Variants in SPCS2 observed in about 807,000 individuals in gnomAD.
The protein encoded by SPCS2 is signal peptidase complex subunit 2.
In SPCS2, 3 loss-of-function variants were observed where a neutral mutation model predicts 22.3. The observed-to-expected ratio is 0.13, with a 90% CI of 0.06 to 0.35. SPCS2 has a LOEUF of 0.35. Among genes scored for constraint, SPCS2 ranks in the 10% least tolerant of loss-of-function variants. The pLI is 1.00. For synonymous variants in SPCS2, 67 were observed against 97.2 expected (o/e 0.69, Z 1.83); for missense variants, 169 against 280.9 (o/e 0.60, Z 2.85).
At chr11:74,951,266 G>A (rs1486748359) in intron 1 of SPCS2, among the ~76,000 whole-genome samples, 1 of 152,104 alleles carries the variant, frequency 6.6e-6, no homozygotes, top group South Asian at 2.1e-4. Context: ...AGATCACAGG[G>A]TTTTGGGAAG....
At chr11:74,955,187 C>T (rs996853659) in intron 1 of SPCS2, among the ~76,000 whole-genome samples, 5 of 152,146 alleles carry the variant, frequency 3.3e-5, no homozygotes, top group African/African-American at 9.7e-5. Flanking sequence ...GAAAATTCAA[C>T]GTAAAGTTAA....
chr11:74,962,133 C>T (rs1437265521), intron 1 of SPCS2, among the ~76,000 whole-genome samples: 1 of 152,114 alleles, frequency 6.6e-6, no homozygotes, highest in African/African-American at 2.4e-5. Flanking sequence ...AGCAGTTTTA[C>T]AGTGGGTGAA....
rs142291110 is a variant in SPCS2 at position 74,971,583 on chromosome 11, C to G, written c.494+1884C>G. 1.2e-4 allele frequency among the ~76,000 whole-genome samples: 19 copies of G among 152,172 alleles called. No individual in the cohort carries two copies. In the East Asian group the frequency reaches 3.5e-3, roughly 28 times the overall value. On this transcript the variant is annotated intron_variant, in intron 4 of 4. Coordinates refer to ENST00000263672, the MANE Select transcript of SPCS2 (RefSeq NM_014752.3). ...TCCCGGCTTTCTGCTGATGTCTTCT[C>G]CCTCCCCCACCTCACCGACTGATTT... is the stretch of plus-strand genomic sequence containing the variant.
intron 3 of SPCS2, among the ~76,000 whole-genome samples, chr11:74,967,249 G>A (rs1268606997): frequency 6.6e-6 from 1 of 152,162 alleles, no homozygotes; most frequent in East Asian, 1.9e-4. Context: ...AGGCAGTTCA[G>A]AAGAATAATA....
intron 1 of SPCS2, among the ~76,000 whole-genome samples, 179 bp from the exon 2 acceptor site, chr11:74,964,855 G>A (rs1948534321): frequency 6.6e-6 from 1 of 152,146 alleles, no homozygotes; most frequent in African/African-American, 2.4e-5. Context: ...ACTGCTTCTT[G>A]CAGGGCTACC....
rs1948589850 is a variant in SPCS2 at position 74,972,393 on chromosome 11, C to G, written c.494+2694C>G. On this transcript the variant is annotated intron_variant, in intron 4 of 4. Transcript: ENST00000263672. ...CTAGTTATTCTTAAAAGCATTTATG[C>G]TTACCTCTGTTAGTTACCACATGGA... is the stretch of plus-strand genomic sequence containing the variant. Among the ~76,000 whole-genome samples the G allele has an allele frequency of 6.6e-5, 10 of 152,266 alleles. No individual in the cohort carries two copies. The South Asian group carries it at 1.9e-3, about 28-fold the overall frequency.
chr11:74,960,986 T>C (rs1026423767), intron 1 of SPCS2, among the ~76,000 whole-genome samples: 3 of 151,924 alleles, frequency 2.0e-5, no homozygotes, highest in African/African-American at 7.3e-5. Flanking sequence ...GAGAGTAACA[T>C]TTTAGAGATC....
chr11:74,965,311 T>C, intron 2 of SPCS2, 194 bp downstream of exon 2: 1 of 479,178 alleles, frequency 2.1e-6, no homozygotes, highest in East Asian at 3.5e-5. Context: ...GGCACATGTA[T>C]ACATATGTAA....
At chr11:74,961,241 T>C (rs933721516) in intron 1 of SPCS2, among the ~76,000 whole-genome samples, 1 of 152,232 alleles carries the variant, frequency 6.6e-6, no homozygotes, top group Non-Finnish European at 1.5e-5. Context: ...CTGTGCACTG[T>C]GCTATGTTTT....
intron 1 of SPCS2, among the ~76,000 whole-genome samples, chr11:74,954,520 C>T (rs1052364239): frequency 6.6e-6 from 1 of 152,192 alleles, no homozygotes; most frequent in African/African-American, 2.4e-5. Flanking sequence ...GGTATCTCCT[C>T]TTTTACTCTA....
chr11:74,949,599 ACTT>A (rs534991631), intron 1 of SPCS2, 200 bp downstream of exon 1: 141 of 635,500 alleles, frequency 2.2e-4, no homozygotes, highest in South Asian at 1.2e-3. Context: ...CCTCTTTAGA[ACTT>A]CTTCTTTTCT....
intron 4 of SPCS2, 99 bp from the exon 5 acceptor site, chr11:74,976,758 C>G: frequency 6.8e-7 from 1 of 1,480,314 alleles, no homozygotes; most frequent in Non-Finnish European, 9.3e-7. Flanking sequence ...TCACCGTGCC[C>G]AGCTTACTCC....
intron 1 of SPCS2, among the ~76,000 whole-genome samples, chr11:74,951,856 A>G (rs1948448412): frequency 6.6e-6 from 1 of 151,736 alleles, no homozygotes; most frequent in South Asian, 2.1e-4. Flanking sequence ...GAAAGGCCTC[A>G]TTCCTGAAAG....
intron 3 of SPCS2, among the ~76,000 whole-genome samples, chr11:74,966,412 T>C (rs1217297812): frequency 6.6e-6 from 1 of 152,244 alleles, no homozygotes; most frequent in African/African-American, 2.4e-5. Flanking sequence ...AATTAAGAAC[T>C]TATTCTGGAG....
intron 4 of SPCS2, among the ~76,000 whole-genome samples, chr11:74,970,256 T>G (rs1948576799): frequency 6.6e-6 from 1 of 152,152 alleles, no homozygotes; most frequent in Non-Finnish European, 1.5e-5. Context: ...TTATCTGAGG[T>G]TTAGTGGGGT....
At chr11:74,968,298 A>G (rs1017534822) in intron 3 of SPCS2, 3 of 152,008 alleles carry the variant, frequency 2.0e-5, no homozygotes, top group Non-Finnish European at 2.9e-5. Flanking sequence ...AGCACTGTTC[A>G]TGAAATTTAT....
chr11:74,956,970 A>G (rs1341112486), intron 1 of SPCS2, among the ~76,000 whole-genome samples: 1 of 151,822 alleles, frequency 6.6e-6, no homozygotes, highest in Non-Finnish European at 1.5e-5. Flanking sequence ...GATGTTAACT[A>G]TTTTCCCTCA....
intron 4 of SPCS2, among the ~76,000 whole-genome samples, chr11:74,973,157 C>T (rs978923752): frequency 8.5e-5 from 13 of 152,110 alleles, no homozygotes; most frequent in African/African-American, 2.4e-4. Flanking sequence ...TTCATTACTC[C>T]GGTACTACAG....
intron 1 of SPCS2, among the ~76,000 whole-genome samples, chr11:74,963,131 C>G (rs1053454098): frequency 6.6e-6 from 1 of 152,140 alleles, no homozygotes; most frequent in African/African-American, 2.4e-5. Context: ...TGCATGTCTT[C>G]AAAGAGGGAT....
Sources: allele counts gnomAD v4.1 joint callset (sites outside exome capture counted in the v4.1 genomes callset), GRCh38; gene constraint gnomAD v4.1.1; transcripts MANE v1.5; gene names NCBI Gene and HGNC (gene_info 2026-07-23, HGNC 2026-07-21).